Variants in CDK7 observed in about 807,000 individuals in gnomAD.
CDK7 encodes the protein cyclin-dependent kinase 7.
CDK7 carries 25 observed loss-of-function variants against 49.1 expected under a neutral mutation model. The observed-to-expected ratio is 0.51, with a 90% CI of 0.37 to 0.71. The LOEUF is 0.71. Among genes scored for constraint, CDK7 ranks in the 30% least tolerant of loss-of-function variants. The probability of loss-of-function intolerance (pLI) is 0.00; values close to 1 mark genes in which losing one functional copy is unlikely to be tolerated. For missense variants in CDK7, 316 were observed against 411.7 expected (o/e 0.77, Z 2.01); for synonymous variants, 107 against 140.0 (o/e 0.76, Z 1.67).
chr5:69,277,030 G>A, intron 11 of CDK7, 77 bp from the exon 12 acceptor site: 1 of 1,251,942 alleles, frequency 8.0e-7, no homozygotes, highest in Non-Finnish European at 1.1e-6. Flanking sequence ...TGCAGTGACT[G>A]GTTAAAATTG....
Position 69,234,985 on chromosome 5 carries a change from G to A in CDK7, c.10G>A (p.Asp4Asn). 2 of 1,598,356 alleles carry A rather than the reference G, an allele frequency of 1.3e-6. No homozygotes were observed. The highest frequency in any genetic ancestry group is 1.7e-6 in the Non-Finnish European group (2 of 1,172,790). Residue 4 changes from aspartate to asparagine, a missense_variant, in exon 1 of 12, where the codon GAC (aspartate) becomes AAC (asparagine). By Grantham distance (23) the Asp-to-Asn change is conservative. Coordinates refer to ENST00000256443, the MANE Select transcript of CDK7 (RefSeq NM_001799.4). MAL[D>N]VKSRAKRYEK... ...GGCTTTACGGCGCCGGATGGCTCTG[G>A]ACGTGAAGTCTCGGGCAAAGCGTTA...
At chr5:69,257,770 A>G (rs1193798052) in intron 5 of CDK7, among the ~76,000 whole-genome samples, 4 of 152,196 alleles carry the variant, frequency 2.6e-5, no homozygotes, top group African/African-American at 7.2e-5. Context: ...ACTAACTGCT[A>G]TTGTCAGAAG....
chr5:69,268,850 A>AAAG (rs1554066396), intron 8 of CDK7, among the ~76,000 whole-genome samples: 4 of 148,582 alleles, frequency 2.7e-5, no homozygotes, highest in Admixed American at 1.3e-4. Context: ...AAAAAAAAAA[A>AAAG]CCCATCTCTA....
Position 69,252,437 on chromosome 5 carries a change from C to T in CDK7, c.146C>T (p.Ser49Leu). 6.6e-7 allele frequency: 1 copy of T among 1,508,860 alleles called. No individual in the cohort carries two copies. The highest frequency in any genetic ancestry group is 8.9e-7 in the Non-Finnish European group (1 of 1,119,634). 93.5% of individuals were successfully genotyped at this position (1,508,860 alleles called of 1,614,324 possible). A position where few individuals can be genotyped will look rare whatever the true frequency, so the allele number is the denominator to read the frequency against. ...TACCAGATCAAACTTGGACATAGATCAGAAGCTAAAGATGGTAAGTATTTC... is the reference window on the plus strand; with the variant it reads ...TACCAGATCAAACTTGGACATAGATTAGAAGCTAAAGATGGTAAGTATTTC... The part of the protein sequence containing the change: ...AIKKIKLGHR[S>L]EAKDGINRTA... The change falls in exon 3 of 12, where the codon TCA (serine) becomes TTA (leucine). Residue 49 changes from serine to leucine, a missense_variant. Ser to Leu is a moderately radical substitution (Grantham distance 145, BLOSUM62 -2). Transcript: ENST00000256443.
chr5:69,247,796 C>A (rs375767344), intron 2 of CDK7, among the ~76,000 whole-genome samples: 1 of 151,912 alleles, frequency 6.6e-6, no homozygotes, highest in Non-Finnish European at 1.5e-5. Context: ...AATAATATAA[C>A]CCATTATTTT....
intron 2 of CDK7, among the ~76,000 whole-genome samples, chr5:69,238,666 T>A (rs1363217159): frequency 6.6e-6 from 1 of 151,594 alleles, no homozygotes; most frequent in Admixed American, 6.6e-5. Flanking sequence ...TTATTTTATT[T>A]TTTTTTTTGA....
intron 5 of CDK7, 82 bp downstream of exon 5, chr5:69,255,610 A>G (rs1253034737): frequency 1.0e-6 from 1 of 993,468 alleles, no homozygotes; most frequent in Non-Finnish European, 1.6e-6. Context: ...ACCCAAGAAG[A>G]TACTGGTAGT....
intron 2 of CDK7, among the ~76,000 whole-genome samples, chr5:69,243,726 A>C (rs940786048): frequency 1.3e-5 from 2 of 150,156 alleles, no homozygotes; most frequent in Non-Finnish European, 2.9e-5. Flanking sequence ...TTTAGGTTGT[A>C]TGGACATTTT....
At chr5:69,277,062 T>TA (rs1451170830) in intron 11 of CDK7, 45 bp from the exon 12 acceptor site, 1 of 1,537,024 alleles carries the variant, frequency 6.5e-7, no homozygotes, top group East Asian at 2.3e-5. Context: ...TGAACTTTGT[T>TA]AAATGTGAAC....
intron 2 of CDK7, 101 bp downstream of exon 2, chr5:69,235,554 G>A (rs755931192): frequency 4.8e-5 from 38 of 793,660 alleles, no homozygotes; most frequent in Middle Eastern, 4.7e-4. Flanking sequence ...CTCTGATAAT[G>A]AGTTACTCAT....
rs75326964 is a variant in CDK7 at position 69,252,612 on chromosome 5, C to T, written c.160+161C>T. Among the ~76,000 whole-genome samples, 5,690 of 148,328 alleles carry T rather than the reference C, an allele frequency of 0.038. 400 individuals carry two copies. Among genetic ancestry groups the T allele is most frequent in the African/African-American group, 0.13 (5,396 of 40,546 alleles). ...GCAGCCTCAAACTTAGGTACTCAAG[C>T]AGTTCTCCCACCTCAGCCTCTTGAG... On this transcript the variant is annotated intron_variant, in intron 3 of 11. Coordinates refer to ENST00000256443, the MANE Select transcript of CDK7 (RefSeq NM_001799.4).
chr5:69,248,072 C>T (rs907508703), intron 2 of CDK7, among the ~76,000 whole-genome samples: 2 of 152,112 alleles, frequency 1.3e-5, no homozygotes, highest in East Asian at 1.9e-4. Context: ...TGCTCATTAA[C>T]GTCTTTTCTT....
intron 3 of CDK7, among the ~76,000 whole-genome samples, chr5:69,253,723 G>A (rs186278726): frequency 1.3e-5 from 2 of 152,242 alleles, no homozygotes; most frequent in Admixed American, 6.5e-5. Flanking sequence ...TGTTAGTCTA[G>A]TAGTGGTGTT....
Position 69,262,090 on chromosome 5 carries a change from T to TA in CDK7, c.528-112dup, listed in dbSNP as rs201292094. ...ATGAAAGAGTATGGTATCTAGTCCT[T>TA]AAAGTAAGGGATTGCCTTTAAAAAC... On this transcript the variant is annotated intron_variant, in intron 7 of 11. Coordinates refer to ENST00000256443, the MANE Select transcript of CDK7 (RefSeq NM_001799.4). 1.9e-3 allele frequency: 2,428 copies of TA among 1,285,464 alleles called. 19 individuals are homozygous for TA. In the African/African-American group the frequency reaches 0.03, roughly 16 times the overall value. 79.6% of individuals were successfully genotyped at this position (1,285,464 alleles called of 1,614,324 possible). A position where few individuals can be genotyped will look rare whatever the true frequency, so the allele number is the denominator to read the frequency against.
chr5:69,266,193 C>T (rs758533879), intron 8 of CDK7, among the ~76,000 whole-genome samples: 1 of 152,092 alleles, frequency 6.6e-6, no homozygotes, highest in African/African-American at 2.4e-5. Context: ...GCTGCGGCGG[C>T]GAAGGCTGGG....
intron 2 of CDK7, among the ~76,000 whole-genome samples, chr5:69,240,420 A>T (rs1461832230): frequency 5.3e-5 from 8 of 152,172 alleles, no homozygotes; most frequent in Non-Finnish European, 4.4e-5. Context: ...TATTTTAGAG[A>T]TGCTTACTTA....
intron 2 of CDK7, among the ~76,000 whole-genome samples, chr5:69,247,020 T>C (rs1055173929): frequency 1.3e-5 from 2 of 152,246 alleles, no homozygotes; most frequent in Non-Finnish European, 2.9e-5. Context: ...GCCTAACATA[T>C]GGTCTGTCCT....
chr5:69,254,989 TTCACTCACAAC>T (rs1750394134), intron 4 of CDK7, among the ~76,000 whole-genome samples: 1 of 152,222 alleles, frequency 6.6e-6, no homozygotes, highest in Admixed American at 6.5e-5. Context: ...CTTGAGTGTG[TTCACTCACAAC>T]TCCCCAGAGT....
chr5:69,255,558 T>C (rs1198817316), intron 5 of CDK7, 30 bp downstream of exon 5: 3 of 1,397,350 alleles, frequency 2.1e-6, no homozygotes. Context: ...AGAAATTCCT[T>C]TGTCCCAGTT....
Sources: gnomAD v4.1 joint callset for allele counts (sites outside exome capture counted in the v4.1 genomes callset) on GRCh38, gnomAD v4.1.1 for gene constraint, MANE v1.5 for transcripts, NCBI Gene and HGNC (gene_info 2026-07-23, HGNC 2026-07-21) for gene names.